The following GPC5 variants were observed in gnomAD, a reference collection of about 807,000 sequenced individuals.
The protein encoded by GPC5 is glypican 5.
In GPC5, 47 loss-of-function variants were observed where a neutral mutation model predicts 53.9. The observed-to-expected ratio is 0.87, with a 90% CI of 0.69 to 1.11. The LOEUF (loss-of-function observed/expected upper bound fraction) is 1.11. Among genes scored for constraint, GPC5 ranks in the 50% most tolerant of loss-of-function variants. The pLI is 0.00. For synonymous variants in GPC5, 286 were observed against 263.3 expected, an observed-to-expected ratio of 1.09 and a Z score of -0.84; for missense variants, 748 against 713.1, an observed-to-expected ratio of 1.05 and a Z score of -0.56.
intron 7 of GPC5, chr13:92,509,852 A>G (rs1880501988): frequency 6.6e-6 from 1 of 152,158 alleles, no homozygotes; most frequent in South Asian, 2.1e-4. Context: ...GTAGAAATGA[A>G]TATTTTTGCT....
chr13:91,411,526 G>A lies in GPC5; in HGVS notation c.163+12317G>A, dbSNP rs187943083. On this transcript the variant is annotated intron_variant, in intron 1 of 7. Coordinates refer to ENST00000377067, the MANE Select transcript of GPC5 (RefSeq NM_004466.6). ...GGGAGGCAGTAGCTACAGAAGGACT[G>A]GGCAAGTGGAGTGGGGCAGACATAG... 5.9e-5 allele frequency among the ~76,000 whole-genome samples: 9 copies of A among 152,310 alleles called. No homozygotes were observed. In the East Asian group the frequency reaches 1.7e-3, roughly 29 times the overall value.
intron 7 of GPC5, among the ~76,000 whole-genome samples, chr13:92,859,743 T>C (rs892819134): frequency 3.3e-5 from 5 of 152,138 alleles, no homozygotes; most frequent in Non-Finnish European, 7.4e-5. Flanking sequence ...GTTCTAGAAG[T>C]AATTTCACAA....
At chr13:92,106,099 A>G (rs985990134) in intron 6 of GPC5, among the ~76,000 whole-genome samples, 3 of 152,004 alleles carry the variant, frequency 2.0e-5, no homozygotes, top group Non-Finnish European at 4.4e-5. Flanking sequence ...AATCCATTTT[A>G]TGCTGATGGA....
chr13:91,828,159 G>T (rs1232331027), intron 5 of GPC5, among the ~76,000 whole-genome samples: 2 of 151,942 alleles, frequency 1.3e-5, no homozygotes, highest in Non-Finnish European at 2.9e-5. Flanking sequence ...TGTGTAGAGT[G>T]GAAAGATAAC....
At chr13:91,933,531 A>C (rs1178262265) in intron 6 of GPC5, among the ~76,000 whole-genome samples, 4 of 151,902 alleles carry the variant, frequency 2.6e-5, no homozygotes, top group Non-Finnish European at 4.4e-5. Flanking sequence ...TTATGTATTC[A>C]TCTCATCCAT....
intron 7 of GPC5, among the ~76,000 whole-genome samples, chr13:92,499,976 T>C (rs1278976761): frequency 6.6e-6 from 1 of 152,176 alleles, no homozygotes; most frequent in Non-Finnish European, 1.5e-5. Context: ...CTTTGAGGAC[T>C]CTAAAAAGTA....
intron 2 of GPC5, among the ~76,000 whole-genome samples, chr13:91,689,580 A>G (rs942561308): frequency 2.7e-5 from 4 of 150,842 alleles, no homozygotes; most frequent in South Asian, 2.1e-4. Flanking sequence ...TTTTCTTTAT[A>G]TCCTCACTCT....
intron 7 of GPC5, among the ~76,000 whole-genome samples, chr13:92,606,694 T>C (rs746860042): frequency 6.6e-6 from 1 of 152,182 alleles, no homozygotes; most frequent in African/African-American, 2.4e-5. Flanking sequence ...ATCCTACATA[T>C]TTAATACTGC....
chr13:91,441,759 C>G (rs996661943), intron 1 of GPC5, among the ~76,000 whole-genome samples: 1 of 152,120 alleles, frequency 6.6e-6, no homozygotes. Flanking sequence ...AAACTCGTCT[C>G]AGTTCTTGGA....
chr13:92,287,491 T>G (rs77505889), intron 7 of GPC5, among the ~76,000 whole-genome samples: 3,275 of 152,254 alleles, frequency 0.022, 122 homozygotes, highest in African/African-American at 0.075. Flanking sequence ...ATTTTTTTCT[T>G]TAATTATGTC....
In GPC5 at chr13:91,876,721, G is replaced by A. The variant is rs371800602; in HGVS notation, c.1281-31216G>A. Among the ~76,000 whole-genome samples, 20 of 152,244 alleles carry A rather than the reference G, an allele frequency of 1.3e-4. No homozygotes were observed. The South Asian group carries it at 2.1e-3, about 16-fold the overall frequency. ...CTATAGAAAAGAAAAACCCATTTTC[G>A]GGGGAGAAATTCAAGCTGGCTGGAG... is the stretch of plus-strand genomic sequence containing the variant. On this transcript the variant is annotated intron_variant, in intron 5 of 7. Transcript: ENST00000377067.
At chr13:92,842,158 T>A (rs1237936925) in intron 7 of GPC5, among the ~76,000 whole-genome samples, 3 of 152,110 alleles carry the variant, frequency 2.0e-5, no homozygotes, top group Non-Finnish European at 4.4e-5. Flanking sequence ...CCTTACAATA[T>A]CCCTCAATGT....
chr13:92,858,083 T>C (rs965027616), intron 7 of GPC5, among the ~76,000 whole-genome samples: 1 of 152,106 alleles, frequency 6.6e-6, no homozygotes, highest in African/African-American at 2.4e-5. Flanking sequence ...CCATCAGTGG[T>C]AGACTGGATA....
intron 7 of GPC5, among the ~76,000 whole-genome samples, chr13:92,496,428 A>C (rs535992996): frequency 5.3e-4 from 80 of 152,302 alleles, no homozygotes; most frequent in African/African-American, 1.9e-3. Flanking sequence ...AGTATGTGTC[A>C]CTCGATTTTT....
At chr13:91,599,948 G>A (rs2033121509) in intron 2 of GPC5, among the ~76,000 whole-genome samples, 1 of 152,110 alleles carries the variant, frequency 6.6e-6, no homozygotes, top group South Asian at 2.1e-4. Flanking sequence ...TTGAAACGGA[G>A]CCTTGCTGTG....
intron 6 of GPC5, among the ~76,000 whole-genome samples, chr13:92,009,880 A>G (rs577562345): frequency 6.6e-6 from 1 of 152,232 alleles, no homozygotes; most frequent in South Asian, 2.1e-4. Context: ...TTAAAACCAT[A>G]TTTCACAGTT....
chr13:92,651,042 G>T (rs1885941526), intron 7 of GPC5, among the ~76,000 whole-genome samples: 3 of 151,996 alleles, frequency 2.0e-5, no homozygotes, highest in Non-Finnish European at 2.9e-5. Context: ...GAGGATGATG[G>T]CTTCCAGCTT....
At chr13:92,731,923 T>TTATCAGA (rs1437952767) in intron 7 of GPC5, among the ~76,000 whole-genome samples, 1 of 151,438 alleles carries the variant, frequency 6.6e-6, no homozygotes, top group Non-Finnish European at 1.5e-5. Flanking sequence ...AACCTGGAAA[T>TTATCAGA]TATCAGATGA....
intron 7 of GPC5, among the ~76,000 whole-genome samples, chr13:92,274,036 T>C (rs1033450616): frequency 6.6e-6 from 1 of 152,176 alleles, no homozygotes; most frequent in Non-Finnish European, 1.5e-5. Context: ...TACCAACCTG[T>C]AGAAAACTGG....
Sources: gnomAD v4.1 joint callset for allele counts (sites outside exome capture counted in the v4.1 genomes callset) on GRCh38, gnomAD v4.1.1 for gene constraint, MANE v1.5 for transcripts, NCBI Gene and HGNC (gene_info 2026-07-23, HGNC 2026-07-21) for gene names.